The following SERPINI1 variants were observed in gnomAD, a reference collection of about 807,000 sequenced individuals.
SERPINI1 encodes the protein neuroserpin.
Under a neutral mutation model 41.1 loss-of-function variants are expected in SERPINI1, and 19 were observed. The observed-to-expected ratio is 0.46, with a 90% CI of 0.32 to 0.68. The LOEUF is 0.68. Among genes scored for constraint, SERPINI1 ranks in the 30% least tolerant of loss-of-function variants. The pLI is 0.03. For missense variants in SERPINI1, 460 were observed against 479.2 expected, an observed-to-expected ratio of 0.96 and a Z score of 0.37; for synonymous variants, 138 against 156.6, an observed-to-expected ratio of 0.88 and a Z score of 0.89.
chr3:167,764,917 T>A (rs1726510246), intron 1 of SERPINI1, among the ~76,000 whole-genome samples: 2 of 152,164 alleles, frequency 1.3e-5, no homozygotes, highest in Non-Finnish European at 2.9e-5. Context: ...TCCAAAATGA[T>A]CTCCTTTGAC....
intron 1 of SERPINI1, among the ~76,000 whole-genome samples, chr3:167,748,569 TAAGG>T (rs1387349454): frequency 4.6e-5 from 7 of 152,040 alleles, no homozygotes; most frequent in Non-Finnish European, 1.5e-5. Context: ...ACATTAAAAA[TAAGG>T]AAGGGATAAA....
chr3:167,816,908 A>T (rs951061415), intron 6 of SERPINI1, among the ~76,000 whole-genome samples: 1 of 152,110 alleles, frequency 6.6e-6, no homozygotes, highest in African/African-American at 2.4e-5. Flanking sequence ...GTTTCAGTTC[A>T]TATAATTTGA....
intron 5 of SERPINI1, among the ~76,000 whole-genome samples, chr3:167,804,746 A>T (rs6779335): frequency 1.3e-5 from 2 of 151,880 alleles, no homozygotes; most frequent in African/African-American, 2.4e-5. Context: ...GGGAGGCTGA[A>T]GCAGGAGAAT....
rs557493816 is a variant in SERPINI1 at position 167,796,512 on chromosome 3, G to A, written c.881+1688G>A. Among the ~76,000 whole-genome samples the A allele has an allele frequency of 9.9e-5, 15 of 151,710 alleles. No homozygotes were observed. In the South Asian group the frequency reaches 2.1e-3, roughly 21 times the overall value. On this transcript the variant is annotated intron_variant, in intron 5 of 8. Coordinates refer to ENST00000446050, the MANE Select transcript of SERPINI1 (RefSeq NM_001122752.2). ...ATTTATCCTGATACTCTCCCTCCCC[G>A]CAACCCCCTGACAGGCCCCAATGTG...
intron 1 of SERPINI1, among the ~76,000 whole-genome samples, chr3:167,748,093 T>A (rs1436570914): frequency 6.6e-6 from 1 of 151,488 alleles, no homozygotes; most frequent in Non-Finnish European, 1.5e-5. Flanking sequence ...AAAAGTGTGA[T>A]CAAAACAAAA....
intron 5 of SERPINI1, among the ~76,000 whole-genome samples, chr3:167,800,922 A>G (rs932730382): frequency 2.0e-5 from 3 of 152,224 alleles, no homozygotes; most frequent in Admixed American, 1.3e-4. Flanking sequence ...TTCAAAAGCC[A>G]TTCTCCTGCC....
chr3:167,748,435 G>A (rs960207478), intron 1 of SERPINI1, among the ~76,000 whole-genome samples: 1 of 152,174 alleles, frequency 6.6e-6, no homozygotes, highest in Admixed American at 6.5e-5. Context: ...AGACTGAATA[G>A]CCATGAGCCT....
chr3:167,794,653 G>GTAT lies in SERPINI1; in HGVS notation c.711_713dup (p.Ile238dup). ...AGTGATGGCTCCAATGAAGCTGGTGGTATCTACCAAGTCCTAGAAATACCA... is the reference window on the plus strand; with the variant it reads ...AGTGATGGCTCCAATGAAGCTGGTGGTATTATCTACCAAGTCCTAGAAATACCA... On this transcript the variant is annotated inframe_insertion, in exon 5 of 9. Transcript: ENST00000446050. 2 of 1,613,518 alleles carry GTAT rather than the reference G, an allele frequency of 1.2e-6. No individual in the cohort carries two copies. The highest frequency in any genetic ancestry group is 8.5e-7 in the Non-Finnish European group (1 of 1,179,752).
chr3:167,769,057 G>C (rs1726657184), intron 1 of SERPINI1, among the ~76,000 whole-genome samples: 1 of 152,110 alleles, frequency 6.6e-6, no homozygotes. Flanking sequence ...GCAGTGGCAT[G>C]ATCTCAGCTC....
Position 167,807,278 on chromosome 3 carries a change from G to A in SERPINI1, c.916G>A (p.Val306Ile). The A allele has an allele frequency of 1.2e-6, 2 of 1,612,958 alleles. No individual in the cohort carries two copies. The highest frequency in any genetic ancestry group is 2.2e-5 in the East Asian group (1 of 44,726). Residue 306 changes from valine to isoleucine, a missense_variant, in exon 6 of 9, where the codon GTT becomes ATT. Val to Ile is a conservative substitution (Grantham distance 29). Coordinates refer to ENST00000446050, the MANE Select transcript of SERPINI1 (RefSeq NM_001122752.2). ...TVEQEIDLKDVLKALGITEIF... is the reference protein window; with the variant it reads ...TVEQEIDLKDILKALGITEIF... ...GGAACAGGAAATTGATTTAAAAGATGTTTTGAAGGCTCTTGGAATAACTGA... is the reference window on the plus strand; with the variant it reads ...GGAACAGGAAATTGATTTAAAAGATATTTTGAAGGCTCTTGGAATAACTGA...
intron 5 of SERPINI1, among the ~76,000 whole-genome samples, chr3:167,796,345 AT>A (rs555080037): frequency 0.011 from 1,641 of 151,846 alleles, 37 homozygotes; most frequent in African/African-American, 0.038. Context: ...TATATTTTCT[AT>A]TTTTTATATT....
Position 167,789,300 on chromosome 3 carries a change from G to A in SERPINI1, c.172G>A (p.Gly58Arg), listed in dbSNP as rs767376971. The A allele has an allele frequency of 6.2e-7, 1 of 1,614,154 alleles. No homozygotes were observed. The highest frequency in any genetic ancestry group is 8.5e-7 in the Non-Finnish European group (1 of 1,180,004). ...TCCATTGAGTATTGCTCTTGCAATG[G>A]GAATGATGGAACTTGGGGCCCAAGG... ...FSPLSIALAM[G>R]MMELGAQGST... Residue 58 changes from glycine to arginine, a missense_variant, in exon 2 of 9, where the codon GGA becomes AGA. Coordinates refer to ENST00000446050, the MANE Select transcript of SERPINI1 (RefSeq NM_001122752.2).
intron 1 of SERPINI1, among the ~76,000 whole-genome samples, chr3:167,748,752 CTGTGTGTGTGTG>C (rs34438429): frequency 8.3e-4 from 119 of 143,628 alleles, no homozygotes; most frequent in East Asian, 1.9e-3. Context: ...GTGTGTTACT[CTGTGTGTGTGTG>C]TGTGTGTGTG....
chr3:167,823,352 G>C (rs1474660558), intron 7 of SERPINI1, among the ~76,000 whole-genome samples: 1 of 152,182 alleles, frequency 6.6e-6, no homozygotes, highest in African/African-American at 2.4e-5. Flanking sequence ...CTGCTGTGCT[G>C]CCTGTTTAAA....
Position 167,789,275 on chromosome 3 carries a change from T to C in SERPINI1, c.147T>C (p.Ser49=), listed in dbSNP as rs1450628576. The change falls in exon 2 of 9, where the codon TCT becomes TCC. Residue 49 remains serine, a synonymous_variant. Transcript: ENST00000446050. The stretch of plus-strand genomic sequence containing the variant: ...GTGAAGATGAAAATATTCTCTTCTC[T>C]CCATTGAGTATTGCTCTTGCAATGG... The part of the protein sequence containing the change: ...ATGEDENILF[S]PLSIALAMGM... The C allele has an allele frequency of 1.9e-6, 3 of 1,614,044 alleles. No individual in the cohort carries two copies. Among genetic ancestry groups the C allele is most frequent in the Non-Finnish European group, 2.5e-6 (3 of 1,180,018 alleles).
At position 167,759,400 on chromosome 3, in the gene SERPINI1, G is replaced by GTATATATATATATATATATATATATA. The variant is rs71753556; in HGVS notation, c.-19+23598_-19+23599insATATATATATATATATATATATATAT. ...ATCAACATTGGATAAAGAAAATGTG[G>GTATATATATATATATATATATATATA]TATATATATATATATATATATGCGC... On this transcript the variant is annotated intron_variant, in intron 1 of 8. Transcript: ENST00000446050. Among the ~76,000 whole-genome samples the GTATATATATATATATATATATATATA allele has an allele frequency of 6.6e-3, 801 of 120,758 alleles. 27 individuals are homozygous for GTATATATATATATATATATATATATA. The highest frequency in any genetic ancestry group is 0.012 in the Middle Eastern group (3 of 250). 79.2% of individuals were successfully genotyped at this position (120,758 alleles called of 152,430 possible).
chr3:167,789,753 T>C (rs1309591974), intron 2 of SERPINI1, among the ~76,000 whole-genome samples: 5 of 152,158 alleles, frequency 3.3e-5, no homozygotes, highest in Non-Finnish European at 7.4e-5. Flanking sequence ...GCTAAGAATA[T>C]CAGAAATTTT....
At chr3:167,788,649 G>T (rs141095886) in intron 1 of SERPINI1, among the ~76,000 whole-genome samples, 1 of 152,248 alleles carries the variant, frequency 6.6e-6, no homozygotes, top group East Asian at 1.9e-4. Flanking sequence ...TCTGATCTCC[G>T]CTCACCAGTT....
chr3:167,775,555 A>G lies in SERPINI1; in HGVS notation c.-18-13556A>G, dbSNP rs528532001. Reference sequence around the variant, plus strand: ...TTGGGGAGCAACTTTATATCTGAGTATTTTTAGACTTTCAGGGACACAGCC... The same window carrying G: ...TTGGGGAGCAACTTTATATCTGAGTGTTTTTAGACTTTCAGGGACACAGCC... On this transcript the variant is annotated intron_variant, in intron 1 of 8. Transcript: ENST00000446050. Among the ~76,000 whole-genome samples, 5 of 152,268 alleles carry G rather than the reference A, an allele frequency of 3.3e-5. No homozygotes were observed. In the South Asian group the frequency reaches 1.0e-3, roughly 32 times the overall value.
Sources: allele counts gnomAD v4.1 joint callset (sites outside exome capture counted in the v4.1 genomes callset), GRCh38; gene constraint gnomAD v4.1.1; transcripts MANE v1.5; gene names NCBI Gene and HGNC (gene_info 2026-07-23, HGNC 2026-07-21).